The following SLC24A2 variants were observed in gnomAD, a reference collection of about 807,000 sequenced individuals.
SLC24A2 encodes the protein solute carrier family 24 member 2, also known as sodium/potassium/calcium exchanger 2.
In SLC24A2, 36 loss-of-function variants were observed where a neutral mutation model predicts 62.0. The observed-to-expected ratio is 0.58, with a 90% CI of 0.44 to 0.77. The LOEUF (loss-of-function observed/expected upper bound fraction) is 0.77. Ranked by LOEUF, SLC24A2 falls within the 30% of genes least tolerant of loss-of-function variation. SLC24A2 has a pLI of 0.00. For missense variants in SLC24A2, 846 were observed against 817.9 expected (o/e 1.03, Z -0.42); for synonymous variants, 358 against 294.0 (o/e 1.22, Z -2.23).
At chr9:20,030,591 T>C in the SLC24A2 span, among the ~76,000 whole-genome samples, 9 of 152,338 alleles carry the variant, frequency 5.9e-5, no homozygotes, top group East Asian at 1.4e-3. Flanking sequence ...CACAACTTTC[T>C]GGACAAACCC....
chr9:20,007,654 C>T, the SLC24A2 span, among the ~76,000 whole-genome samples: 1 of 151,970 alleles, frequency 6.6e-6, no homozygotes, highest in Admixed American at 6.6e-5. Flanking sequence ...TTTCACTAAT[C>T]ACTCTTCTCA....
At chr9:19,615,563 C>T (rs541880223) in intron 4 of SLC24A2, among the ~76,000 whole-genome samples, 7 of 152,262 alleles carry the variant, frequency 4.6e-5, no homozygotes, top group Admixed American at 6.5e-5. Flanking sequence ...TTTTCTTGGC[C>T]GCCTGCTATG....
At chr9:20,237,469 C>T in the SLC24A2 span, among the ~76,000 whole-genome samples, 1 of 152,130 alleles carries the variant, frequency 6.6e-6, no homozygotes, top group African/African-American at 2.4e-5. Flanking sequence ...AGTAAACCAC[C>T]TCTCTCAAAG....
At chr9:20,288,174 A>G in the SLC24A2 span, among the ~76,000 whole-genome samples, 1 of 152,192 alleles carries the variant, frequency 6.6e-6, no homozygotes, top group African/African-American at 2.4e-5. Context: ...TCATCTGCTC[A>G]TCACCTGGGC....
chr9:20,270,245 G>A, the SLC24A2 span, among the ~76,000 whole-genome samples: 1 of 152,200 alleles, frequency 6.6e-6, no homozygotes, highest in Admixed American at 6.5e-5. Context: ...GCCACACTGG[G>A]GAATCAAATT....
the SLC24A2 span, among the ~76,000 whole-genome samples, chr9:20,267,552 A>C: frequency 6.6e-6 from 1 of 152,190 alleles, no homozygotes; most frequent in Non-Finnish European, 1.5e-5. Flanking sequence ...ACAGCCTAGA[A>C]TAGGCGCTCA....
the SLC24A2 span, among the ~76,000 whole-genome samples, chr9:19,916,981 G>GTTTTTTTTTTTTTTTTTTTTTTTTT: frequency 2.8e-5 from 2 of 72,022 alleles, no homozygotes; most frequent in Non-Finnish European, 5.0e-5. Context: ...TAACTTACCT[G>GTTTTTTTTTTTTTTTTTTTTTTTTT]TTTTTTTTTT....
chr9:20,072,842 G>C, the SLC24A2 span, among the ~76,000 whole-genome samples: 1 of 152,068 alleles, frequency 6.6e-6, no homozygotes, highest in African/African-American at 2.4e-5. Flanking sequence ...GAAGGAAGCA[G>C]ACCCGCTAAT....
At chr9:19,720,102 G>A (rs1373843013) in intron 2 of SLC24A2, among the ~76,000 whole-genome samples, 1 of 152,172 alleles carries the variant, frequency 6.6e-6, no homozygotes, top group Non-Finnish European at 1.5e-5. Flanking sequence ...TATTAGGTTG[G>A]TGCACAAGTA....
chr9:20,280,106 C>G, the SLC24A2 span, among the ~76,000 whole-genome samples: 1 of 152,182 alleles, frequency 6.6e-6, no homozygotes, highest in African/African-American at 2.4e-5. Context: ...GAAGCAGAGT[C>G]TGAGATGGGG....
At chr9:20,197,249 C>G in the SLC24A2 span, among the ~76,000 whole-genome samples, 1 of 151,900 alleles carries the variant, frequency 6.6e-6, no homozygotes. Flanking sequence ...GAGAGGATTG[C>G]CAAATTGTTT....
intron 5 of SLC24A2, among the ~76,000 whole-genome samples, chr9:19,584,517 C>T (rs767116187): frequency 1.3e-5 from 2 of 152,076 alleles, no homozygotes; most frequent in Non-Finnish European, 2.9e-5. Flanking sequence ...CAAGAGATGC[C>T]ACCTAGCAAC....
the SLC24A2 span, among the ~76,000 whole-genome samples, chr9:20,177,779 A>G: frequency 6.6e-6 from 1 of 152,282 alleles, no homozygotes; most frequent in Admixed American, 6.5e-5. Flanking sequence ...TATACCACAT[A>G]CAGTATACTA....
the SLC24A2 span, among the ~76,000 whole-genome samples, chr9:19,826,572 C>T: frequency 3.3e-5 from 5 of 152,102 alleles, no homozygotes; most frequent in Non-Finnish European, 7.4e-5. Context: ...TGGTGAGGGC[C>T]GTCTCTGCCT....
chr9:19,908,401 A>T, the SLC24A2 span, among the ~76,000 whole-genome samples: 5 of 152,058 alleles, frequency 3.3e-5, no homozygotes, highest in Admixed American at 1.3e-4. Context: ...AACCTAGGCA[A>T]TACCATTCAG....
At chr9:19,896,800 A>G in the SLC24A2 span, among the ~76,000 whole-genome samples, 3 of 152,216 alleles carry the variant, frequency 2.0e-5, no homozygotes, top group African/African-American at 7.2e-5. Flanking sequence ...TTTGTCTATA[A>G]AAGGGGAACA....
intron 8 of SLC24A2, among the ~76,000 whole-genome samples, chr9:19,540,566 G>A (rs1264105717): frequency 1.1e-4 from 16 of 147,896 alleles, no homozygotes; most frequent in Admixed American, 4.0e-4. Flanking sequence ...GGTTTCTGCC[G>A]AGAGATCCGC....
intron 7 of SLC24A2, among the ~76,000 whole-genome samples, chr9:19,569,802 C>T (rs1239979341): frequency 1.3e-5 from 2 of 152,118 alleles, no homozygotes; most frequent in African/African-American, 4.8e-5. Flanking sequence ...TACCATGCTT[C>T]CTCCTTCCAC....
At chr9:19,737,158 C>A (rs2118746963) in intron 2 of SLC24A2, among the ~76,000 whole-genome samples, 1 of 152,266 alleles carries the variant, frequency 6.6e-6, no homozygotes, top group Middle Eastern at 3.4e-3. Flanking sequence ...CATCTAGGCC[C>A]ATTTGCGGGG....
Sources: gnomAD v4.1 joint callset for allele counts (sites outside exome capture counted in the v4.1 genomes callset) on GRCh38, gnomAD v4.1.1 for gene constraint, MANE v1.5 for transcripts, NCBI Gene and HGNC (gene_info 2026-07-23, HGNC 2026-07-21) for gene names.